Variants in QRICH2 observed in about 807,000 individuals in gnomAD.
QRICH2 encodes the protein glutamine rich 2.
In QRICH2, 119 loss-of-function variants were observed where a neutral mutation model predicts 168.3. The observed-to-expected ratio is 0.71, with a 90% CI of 0.61 to 0.82. The LOEUF (loss-of-function observed/expected upper bound fraction) is 0.82. Among genes scored for constraint, QRICH2 ranks in the 40% least tolerant of loss-of-function variants. The pLI, the probability that QRICH2 is intolerant of heterozygous loss-of-function variation, is 0.00. For missense variants in QRICH2, 2,241 were observed against 2,491.6 expected, an observed-to-expected ratio of 0.90 and a Z score of 2.14; for synonymous variants, 894 against 951.2, an observed-to-expected ratio of 0.94 and a Z score of 1.11.
At chr17:76,297,941 C>T (rs926959998) in intron 3 of QRICH2, among the ~76,000 whole-genome samples, 2 of 140,786 alleles carry the variant, frequency 1.4e-5, no homozygotes, top group Non-Finnish European at 3.0e-5. Flanking sequence ...TGCAGTGGCA[C>T]AATCTCAGCT....
In QRICH2 at chr17:76,280,996, C is replaced by T. The variant is rs138268734; in HGVS notation, c.4264-43G>A. 3,038 of 1,590,592 alleles carry T rather than the reference C, an allele frequency of 1.9e-3. 4 individuals are homozygous for T. Among genetic ancestry groups the T allele is most frequent in the Non-Finnish European group, 2.3e-3 (2,739 of 1,174,382 alleles). On this transcript the variant is annotated intron_variant, in intron 8 of 18. Coordinates refer to ENST00000680821, the MANE Select transcript of QRICH2 (RefSeq NM_001388453.1). This position sits in a 1 kb window ranked among gnomAD's most constrained non-coding sequence, Gnocchi z 7.4. ...GGAAGGCTCTCGGAGGCTGCTGGCGCGATCCCACCCCCTGCTGCCATAATA... is the reference window on the plus strand; with the variant it reads ...GGAAGGCTCTCGGAGGCTGCTGGCGTGATCCCACCCCCTGCTGCCATAATA...
chr17:76,274,166 G>C lies in QRICH2; in HGVS notation c.5577C>G (p.Asn1859Lys). The change falls in exon 19 of 19, where the codon AAC becomes AAG. Residue 1859 changes from asparagine (N) to lysine (K), a missense_variant. Asn to Lys is a moderately conservative substitution (Grantham distance 94, BLOSUM62 0). Coordinates refer to ENST00000680821, the MANE Select transcript of QRICH2 (RefSeq NM_001388453.1). ...TGTCCACGTGCCTCTCCAGCCCCCT[G>C]TTTGCCACCGCGGCGGAGCTGGGCG... ...AHPPSSAAVA[N>K]RGLERHVDMP... 6.3e-7 allele frequency: 1 copy of C among 1,582,894 alleles called. No homozygotes were observed. Among genetic ancestry groups the C allele is most frequent in the Non-Finnish European group, 8.5e-7 (1 of 1,170,342 alleles).
chr17:76,308,279 A>G, upstream of QRICH2: 1 of 985,300 alleles, frequency 1.0e-6, no homozygotes. Flanking sequence ...GGACGTTTGA[A>G]ACGTGGGGGC....
intron 7 of QRICH2, among the ~76,000 whole-genome samples, chr17:76,284,078 G>C (rs990559597): frequency 4.5e-5 from 6 of 131,916 alleles, no homozygotes; most frequent in Non-Finnish European, 9.0e-5. Context: ...TGAGATAGGA[G>C]AATCACTTGA....
At chr17:76,275,378 G>T (rs2070655567) in intron 18 of QRICH2, among the ~76,000 whole-genome samples, 1 of 152,184 alleles carries the variant, frequency 6.6e-6, no homozygotes, top group Non-Finnish European at 1.5e-5. Context: ...GCCCAACTTA[G>T]CTCCTGCGGA....
chr17:76,298,732 C>T (rs1036894646), intron 3 of QRICH2, among the ~76,000 whole-genome samples: 1 of 152,064 alleles, frequency 6.6e-6, no homozygotes, highest in Non-Finnish European at 1.5e-5. Flanking sequence ...TCTCCTGCCT[C>T]GGCCTCCCGA....
chr17:76,299,502 C>T (rs2070860001), intron 3 of QRICH2, among the ~76,000 whole-genome samples: 1 of 152,018 alleles, frequency 6.6e-6, no homozygotes, highest in African/African-American at 2.4e-5. Flanking sequence ...TTTGGGAAGC[C>T]GAGGCGGGCG....
chr17:76,279,170 G>A lies in QRICH2; in HGVS notation c.4815-28C>T, dbSNP rs1242602636. ...GGGCAGGGACAGAGGGAGAAGGGGC[G>A]GGTCAGAGTGGGACAAGTCCGGTCC... is the stretch of plus-strand genomic sequence containing the variant. On this transcript the variant is annotated intron_variant, in intron 13 of 18. Transcript: ENST00000680821. 13 of 1,557,806 alleles carry A rather than the reference G, an allele frequency of 8.3e-6. No individual in the cohort carries two copies. The Admixed American group carries it at 1.2e-4, about 14-fold the overall frequency.
rs746221229 is a variant in QRICH2, at chr17:76,291,482, C to T, written c.3245G>A (p.Gly1082Asp). 15 of 1,613,924 alleles carry T rather than the reference C, an allele frequency of 9.3e-6. 1 individual carries two copies. In the South Asian group the frequency reaches 1.4e-4, roughly 15 times the overall value. ...GTATACCTGGTCATGCTCACCTGGG[C>T]CAGGTGATGCCACATGCTGTTGATC... ...HPDQQHVASPGPGEHDQVYPD... is the reference protein window; with the variant it reads ...HPDQQHVASPDPGEHDQVYPD... The change falls in exon 4 of 19, where the codon GGC becomes GAC. Residue 1082 changes from glycine to aspartate, a missense_variant. Transcript: ENST00000680821.
chr17:76,279,182 G>C (rs1415108133), intron 13 of QRICH2, 40 bp from the exon 14 acceptor site: 1 of 1,517,890 alleles, frequency 6.6e-7, no homozygotes, highest in Non-Finnish European at 9.0e-7. Flanking sequence ...GTCAGAGTGG[G>C]ACAAGTCCGG....
intron 3 of QRICH2, chr17:76,301,457 A>G (rs571799368): frequency 1.2e-5 from 3 of 243,002 alleles, no homozygotes; most frequent in African/African-American, 4.7e-5. Context: ...GGTCCCAACT[A>G]CCGGGGAGGC....
Position 76,292,238 on chromosome 17 carries a change from C to T in QRICH2, c.2489G>A (p.Gly830Asp), listed in dbSNP as rs540586246. 2.7e-5 allele frequency: 43 copies of T among 1,607,108 alleles called. No individual in the cohort carries two copies. Among genetic ancestry groups the T allele is most frequent in the South Asian group, 1.7e-4 (15 of 90,478 alleles). ...CTGAACTGCACCAGGTTGAACCAAA[C>T]CACGCTGATCCACTCCAGGTTGGAC... ...GLVQPGVDQR[G>D]LVQPGAVQRG... is the part of the protein sequence containing the mutation. The change falls in exon 4 of 19, where the codon GGT (glycine) becomes GAT (aspartate). Residue 830 changes from glycine to aspartate, a missense_variant. Gly to Asp is a moderately conservative substitution (Grantham distance 94). Transcript: ENST00000680821.
At chr17:76,294,812 C>CAAA (rs35491289) in intron 3 of QRICH2, among the ~76,000 whole-genome samples, 7 of 104,088 alleles carry the variant, frequency 6.7e-5, no homozygotes, top group South Asian at 3.1e-4. Context: ...GACTCCTTCT[C>CAAA]AAAAAAAAAA....
rs1568105496 is a variant in QRICH2, at chr17:76,279,040, C to CT, written c.4916dup (p.Asn1639LysfsTer12). ...GTCCCATATGCTGTCCCATAGCATA[C>CT]TTGCGGCTATGCTGCCGGACCTGCT... On this transcript the variant is annotated frameshift_variant and splice_region_variant. Coordinates refer to ENST00000680821, the MANE Select transcript of QRICH2 (RefSeq NM_001388453.1). LOFTEE classifies it high-confidence loss of function. 6.2e-7 allele frequency: 1 copy of CT among 1,612,370 alleles called. No homozygotes were observed. Among genetic ancestry groups the CT allele is most frequent in the Admixed American group, 1.7e-5 (1 of 59,960 alleles).
intron 7 of QRICH2, among the ~76,000 whole-genome samples, chr17:76,282,624 G>C (rs1326106531): frequency 6.6e-6 from 1 of 152,166 alleles, no homozygotes; most frequent in African/African-American, 2.4e-5. Context: ...ACTGCTCCAG[G>C]GGCCTCTCCA....
Position 76,279,135 on chromosome 17 carries a change from G to A in QRICH2, c.4822C>T (p.Pro1608Ser). 6.2e-7 allele frequency: 1 copy of A among 1,612,088 alleles called. No individual in the cohort carries two copies. The highest frequency in any genetic ancestry group is 1.1e-5 in the South Asian group (1 of 90,872). Reference sequence around the variant, plus strand: ...AGGCCTGGACCCGCGGGGGTCACGGGGATGGCACTGGGCAGGGACAGAGGG... The same window carrying A: ...AGGCCTGGACCCGCGGGGGTCACGGAGATGGCACTGGGCAGGGACAGAGGG... Reference protein sequence around the residue: ...LETPVTGHAIPVTPAGPGLPG... With the variant: ...LETPVTGHAISVTPAGPGLPG... The change falls in exon 14 of 19, where the codon CCC (proline) becomes TCC (serine). Residue 1608 changes from proline (P) to serine (S), a missense_variant. Around this residue, in one of 3 missense-constraint regions of QRICH2, gnomAD observed 2,047 missense variants for 2,303.8 expected, o/e 0.89. Transcript: ENST00000680821.
At chr17:76,275,202 C>G (rs1012028321) in intron 18 of QRICH2, among the ~76,000 whole-genome samples, 1 of 151,904 alleles carries the variant, frequency 6.6e-6, no homozygotes, top group Admixed American at 6.6e-5. Flanking sequence ...TTGGGGGGGG[C>G]CTGACTCCAA....
rs377406030 is a variant in QRICH2 at position 76,294,005 on chromosome 17, A to T, written c.722T>A (p.Met241Lys). 7 of 1,605,084 alleles carry T rather than the reference A, an allele frequency of 4.4e-6. No homozygotes were observed. The East Asian group carries it at 1.6e-4, about 36-fold the overall frequency. Residue 241 changes from methionine (M) to lysine (K), a missense_variant, in exon 4 of 19, where the codon ATG becomes AAG. Met to Lys is a moderately conservative substitution (Grantham distance 95). Coordinates refer to ENST00000680821, the MANE Select transcript of QRICH2 (RefSeq NM_001388453.1). ...RASQAGSETL[M>K]GFSKHGGFTS... is the part of the protein sequence containing the mutation. ...GAACCCTCCGTGCTTAGAAAATCCC[A>T]TAAGTGTTTCTGAGCCCTGGTTGGA...
chr17:76,278,949 T>A (rs182972), intron 14 of QRICH2, 92 bp downstream of exon 14: 8 of 1,032,664 alleles, frequency 7.7e-6, no homozygotes, highest in South Asian at 5.4e-5. Flanking sequence ...CACGTTCCGC[T>A]GGGCCCTCCG....
Sources: allele counts gnomAD v4.1 joint callset (sites outside exome capture counted in the v4.1 genomes callset), GRCh38; gene constraint gnomAD v4.1.1; regional missense constraint gnomAD v4.1.1; non-coding constraint Gnocchi (gnomAD v3.1); transcripts MANE v1.5; gene names NCBI Gene and HGNC (gene_info 2026-07-23, HGNC 2026-07-21).